The following TOMM22 variants were observed in gnomAD, a reference collection of about 807,000 sequenced individuals.
TOMM22 encodes the protein translocase of outer mitochondrial membrane 22, also known as mitochondrial import receptor subunit TOM22 homolog.
A neutral mutation model predicts 17.1 loss-of-function variants in TOMM22; 3 were observed. That is an observed-to-expected ratio of 0.18 (90% CI 0.08 to 0.45). TOMM22 has a LOEUF of 0.45. Ranked by LOEUF, TOMM22 falls within the 20% of genes least tolerant of loss-of-function variation. TOMM22 has a pLI of 0.99. For missense variants in TOMM22, 159 were observed against 179.5 expected (o/e 0.89, Z 0.65); for synonymous variants, 91 against 74.0 (o/e 1.23, Z -1.18).
chr22:38,683,831 G>T lies in TOMM22; in HGVS notation c.419G>T (p.Gly140Val). Residue 140 changes from glycine (G) to valine (V), a missense_variant, in exon 4 of 4, where the codon GGA becomes GTA. Around this residue, in one of 3 missense-constraint regions of TOMM22, gnomAD observed 33 missense variants for 34.7 expected, o/e 0.95. Coordinates refer to ENST00000216034, the MANE Select transcript of TOMM22 (RefSeq NM_020243.5). ...GMPGALPSLP[G>V]KI is the part of the protein sequence containing the mutation. ...CCAGGGGCTCTACCCTCACTTCCTG[G>T]AAAGATCTAGATTGTTATTGCTGTT... 6.2e-7 allele frequency: 1 copy of T among 1,613,946 alleles called. No individual in the cohort carries two copies. Among genetic ancestry groups the T allele is most frequent in the South Asian group, 1.1e-5 (1 of 91,076 alleles).
At position 38,683,758 on chromosome 22, in the gene TOMM22, C is replaced by A; in HGVS notation, c.355-9C>A. The stretch of plus-strand genomic sequence containing the variant: ...TATGATGCCTTACACCCCTCCTTTT[C>A]TTTTCCAGATACTTCTAGGACCTAA... On this transcript the variant is annotated splice_polypyrimidine_tract_variant and intron_variant, in intron 3 of 3. Transcript: ENST00000216034. 1.2e-6 allele frequency: 2 copies of A among 1,613,256 alleles called. No homozygotes were observed. The highest frequency in any genetic ancestry group is 1.7e-6 in the Non-Finnish European group (2 of 1,179,256).
Position 38,683,912 on chromosome 22 carries a change from T to G in TOMM22, c.*71T>G. Reference sequence around the variant, plus strand: ...TCAAGTGTTTGAACTGCTGATAATTTGGATTTTTTTTTTTTTTTAACTTTG... The same window carrying G: ...TCAAGTGTTTGAACTGCTGATAATTGGGATTTTTTTTTTTTTTTAACTTTG... On this transcript the variant is annotated 3_prime_UTR_variant, in exon 4 of 4. Coordinates refer to ENST00000216034, the MANE Select transcript of TOMM22 (RefSeq NM_020243.5). 1 of 1,411,278 alleles carries G rather than the reference T, an allele frequency of 7.1e-7. No individual in the cohort carries two copies. The highest frequency in any genetic ancestry group is 2.0e-5 in the Admixed American group (1 of 50,676). 87.4% of individuals were successfully genotyped at this position (1,411,278 alleles called of 1,614,324 possible). A position where few individuals can be genotyped will look rare whatever the true frequency, so the allele number is the denominator to read the frequency against.
rs190872277 is a variant in TOMM22 at position 38,683,969 on chromosome 22, A to G, written c.*128A>G. 2.2e-3 allele frequency: 1,575 copies of G among 726,852 alleles called. 12 individuals carry two copies. The African/African-American group carries it at 0.023, about 11-fold the overall frequency. 45.0% of individuals were successfully genotyped at this position (726,852 alleles called of 1,614,324 possible). A position where few individuals can be genotyped will look rare whatever the true frequency, so the allele number is the denominator to read the frequency against. ...TGATCTATCTAAACCTGGTGGGGAG[A>G]ATTATCCCCACATTGTCTCATGGAA... On this transcript the variant is annotated 3_prime_UTR_variant, in exon 4 of 4. Coordinates refer to ENST00000216034, the MANE Select transcript of TOMM22 (RefSeq NM_020243.5).
chr22:38,682,206 G>T (rs916534233), intron 1 of TOMM22, 111 bp downstream of exon 1: 7 of 1,463,978 alleles, frequency 4.8e-6, no homozygotes, highest in Middle Eastern at 2.3e-4. Context: ...GGGGTTAGGG[G>T]CCCTGCTGGG....
rs765879084 is a variant in TOMM22 at position 38,682,029 on chromosome 22, C to T, written c.51C>T (p.Asp17=). Residue 17 remains aspartate, a synonymous_variant, in exon 1 of 4, where the codon GAC becomes GAT. Coordinates refer to ENST00000216034, the MANE Select transcript of TOMM22 (RefSeq NM_020243.5). ...AAGAGEPQSP[D]ELLPKGDAEK... is the part of the protein sequence containing the mutation. ...GTGCAGGGGAACCCCAGTCCCCGGACGAATTGCTCCCGAAAGGCGACGCGG... is the reference window on the plus strand; with the variant it reads ...GTGCAGGGGAACCCCAGTCCCCGGATGAATTGCTCCCGAAAGGCGACGCGG... The T allele has an allele frequency of 6.2e-7, 1 of 1,609,942 alleles. No individual in the cohort carries two copies.
At position 38,685,291 on chromosome 22, in the gene TOMM22, T is replaced by C. The variant is rs2092493353; in HGVS notation, c.*1450T>C. ...ATGGTGGGGCTGGGCCCAGGCCCGC[T>C]GGGTATACATGATCTTTCACTTGTT... On this transcript the variant is annotated 3_prime_UTR_variant, in exon 4 of 4. Transcript: ENST00000216034. 1 of 152,248 alleles carries C rather than the reference T, an allele frequency of 6.6e-6. No homozygotes were observed. The highest frequency in any genetic ancestry group is 6.5e-5 in the Admixed American group (1 of 15,288). 9.4% of individuals were successfully genotyped at this position (152,248 alleles called of 1,614,324 possible).
At chr22:38,683,454 C>T (rs1279354216) in intron 3 of TOMM22, among the ~76,000 whole-genome samples, 6 of 152,126 alleles carry the variant, frequency 3.9e-5, no homozygotes, top group African/African-American at 7.2e-5. Flanking sequence ...GTAATGTGAG[C>T]GATGGTGAAC....
At position 38,682,383 on chromosome 22, in the gene TOMM22, C is replaced by G. The variant is rs1444492566; in HGVS notation, c.178C>G (p.Arg60Gly). ...GACGGAGATGTTTCCGGAGAGGGTCCGGTCCGCGGCCGGAGCCACTTTTGA... is the reference window on the plus strand; with the variant it reads ...GACGGAGATGTTTCCGGAGAGGGTCGGGTCCGCGGCCGGAGCCACTTTTGA... Reference protein sequence around the residue: ...GLTEMFPERVRSAAGATFDLS... With the variant: ...GLTEMFPERVGSAAGATFDLS... Residue 60 changes from arginine to glycine, a missense_variant, in exon 2 of 4, where the codon CGG becomes GGG. By Grantham distance (125) the Arg-to-Gly change is moderately radical. Transcript: ENST00000216034. The G allele has an allele frequency of 1.2e-6, 2 of 1,614,184 alleles. No homozygotes were observed. Among genetic ancestry groups the G allele is most frequent in the South Asian group, 1.1e-5 (1 of 91,086 alleles).
rs2092479566 is a variant in TOMM22 at position 38,681,998 on chromosome 22, C to T, written c.20C>T (p.Ala7Val). 1.9e-6 allele frequency: 3 copies of T among 1,611,334 alleles called. No individual in the cohort carries two copies. Among genetic ancestry groups the T allele is most frequent in the Non-Finnish European group, 2.5e-6 (3 of 1,179,178 alleles). The change falls in exon 1 of 4, where the codon GCT becomes GTT. Residue 7 changes from alanine to valine, a missense_variant. By Grantham distance (64) the Ala-to-Val change is moderately conservative (BLOSUM62 0). Around this residue, in one of 3 missense-constraint regions of TOMM22, gnomAD observed 107 missense variants for 100.2 expected, o/e 1.07. Transcript: ENST00000216034. MAAAVA[A>V]AGAGEPQSPD... The stretch of plus-strand genomic sequence containing the variant: ...ACAGTCATGGCTGCCGCCGTCGCTG[C>T]TGCCGGTGCAGGGGAACCCCAGTCC...
chr22:38,683,640 C>T (rs753113486), intron 3 of TOMM22, 127 bp from the exon 4 acceptor site: 82 of 677,964 alleles, frequency 1.2e-4, no homozygotes, highest in Non-Finnish European at 1.9e-4. Flanking sequence ...GGGATCGGGC[C>T]CATGCTCTTT....
At position 38,682,063 on chromosome 22, in the gene TOMM22, G is replaced by C. The variant is rs774474775; in HGVS notation, c.85G>C (p.Glu29Gln). Reference sequence around the variant, plus strand: ...CCCGAAAGGCGACGCGGAGAAGCCTGAGGAGGAGCTGGAGGAGGACGACGA... The same window carrying C: ...CCCGAAAGGCGACGCGGAGAAGCCTCAGGAGGAGCTGGAGGAGGACGACGA... ...LLPKGDAEKP[E>Q]EELEEDDDEE... is the part of the protein sequence containing the mutation. The change falls in exon 1 of 4, where the codon GAG (glutamate) becomes CAG (glutamine). Residue 29 changes from glutamate to glutamine, a missense_variant. Transcript: ENST00000216034. 1 of 1,596,982 alleles carries C rather than the reference G, an allele frequency of 6.3e-7. No homozygotes were observed. The highest frequency in any genetic ancestry group is 8.5e-7 in the Non-Finnish European group (1 of 1,172,080).
chr22:38,682,780 C>T (rs2145795731), intron 2 of TOMM22, 99 bp from the exon 3 acceptor site: 3 of 1,014,308 alleles, frequency 3.0e-6, no homozygotes, highest in Non-Finnish European at 4.6e-6. Context: ...TTATCAAAAA[C>T]ATTGGAGTAT....
rs1462507192 is a variant in TOMM22, at chr22:38,683,892, T to TTTGAAGTTCAAATTGAAGTTCAA, written c.*51_*52insTTGAAGTTCAAATTGAAGTTCAA. 1 of 1,504,510 alleles carries TTTGAAGTTCAAATTGAAGTTCAA rather than the reference T, an allele frequency of 6.6e-7. No individual in the cohort carries two copies. Among genetic ancestry groups the TTTGAAGTTCAAATTGAAGTTCAA allele is most frequent in the Non-Finnish European group, 9.2e-7 (1 of 1,091,762 alleles). 93.2% of individuals were successfully genotyped at this position (1,504,510 alleles called of 1,614,324 possible). A position where few individuals can be genotyped will look rare whatever the true frequency, so the allele number is the denominator to read the frequency against. ...CAGTGGGATAAGTTTGAAATTCAAG[T>TTTGAAGTTCAAATTGAAGTTCAA]GTTTGAACTGCTGATAATTTGGATT... On this transcript the variant is annotated 3_prime_UTR_variant, in exon 4 of 4. Coordinates refer to ENST00000216034, the MANE Select transcript of TOMM22 (RefSeq NM_020243.5).
intron 3 of TOMM22, 101 bp from the exon 4 acceptor site, chr22:38,683,666 G>A (rs764434764): frequency 1.2e-6 from 1 of 848,316 alleles, no homozygotes; most frequent in Non-Finnish European, 1.9e-6. Context: ...GTCTGACTGT[G>A]CTTTCAGTAT....
In TOMM22 at chr22:38,684,145, TGTG is replaced by T. The variant is rs1461242853; in HGVS notation, c.*306_*308del. 5.4e-6 allele frequency: 2 copies of T among 367,880 alleles called. No homozygotes were observed. Among genetic ancestry groups the T allele is most frequent in the African/African-American group, 4.0e-5 (2 of 49,554 alleles). The allele number at this position is 367,880 out of a possible 1,614,324, so 22.8% of individuals were successfully genotyped here. A position where few individuals can be genotyped will look rare whatever the true frequency, so the allele number is the denominator to read the frequency against. On this transcript the variant is annotated 3_prime_UTR_variant, in exon 4 of 4. Transcript: ENST00000216034. The stretch of plus-strand genomic sequence containing the variant: ...TAACTGGAAGATCTCACTTTCCCCT[TGTG>T]GGGTAGGAACCGATGCCAGTGGGAG...
In TOMM22 at chr22:38,682,100, T is replaced by C. The variant is rs1175264321; in HGVS notation, c.117+5T>C. ...GAGGAGGACGACGATGAGGAGGTAC[T>C]AGGGCCTCGCGGGGTGCAGAGCGGG... is the stretch of plus-strand genomic sequence containing the variant. On this transcript the variant is annotated splice_donor_5th_base_variant and intron_variant, in intron 1 of 3. Transcript: ENST00000216034. 2.5e-6 allele frequency: 4 copies of C among 1,571,592 alleles called. No homozygotes were observed. The highest frequency in any genetic ancestry group is 3.5e-6 in the Non-Finnish European group (4 of 1,158,170).
At position 38,684,745 on chromosome 22, in the gene TOMM22, AAG is replaced by A. The variant is rs2092490962; in HGVS notation, c.*905_*906del. 6.6e-6 allele frequency: 1 copy of A among 152,184 alleles called. No homozygotes were observed. The allele number at this position is 152,184 out of a possible 1,614,324, so 9.4% of individuals were successfully genotyped here. ...TCTATAATGACACTGTGTAATTATA[AAG>A]TATTTGTAGGGAATAACATAGTACT... On this transcript the variant is annotated 3_prime_UTR_variant, in exon 4 of 4. Coordinates refer to ENST00000216034, the MANE Select transcript of TOMM22 (RefSeq NM_020243.5).
Position 38,683,822 on chromosome 22 carries a change from C to T in TOMM22, c.410C>T (p.Ser137Leu). 6.2e-7 allele frequency: 1 copy of T among 1,614,022 alleles called. No homozygotes were observed. The highest frequency in any genetic ancestry group is 8.5e-7 in the Non-Finnish European group (1 of 1,179,954). ...GGAGGAATGCCAGGGGCTCTACCCT[C>T]ACTTCCTGGAAAGATCTAGATTGTT... ...LSGGMPGALP[S>L]LPGKI The change falls in exon 4 of 4, where the codon TCA becomes TTA. Residue 137 changes from serine to leucine, a missense_variant. Ser to Leu is a moderately radical substitution (Grantham distance 145, BLOSUM62 -2). Around this residue, in one of 3 missense-constraint regions of TOMM22, gnomAD observed 33 missense variants for 34.7 expected, o/e 0.95. Transcript: ENST00000216034.
In TOMM22 at chr22:38,684,197, A is replaced by C. The variant is rs866407073; in HGVS notation, c.*356A>C. 8.1e-4 allele frequency: 161 copies of C among 199,278 alleles called. No individual in the cohort carries two copies. The highest frequency in any genetic ancestry group is 3.7e-3 in the African/African-American group (147 of 39,506). The allele number at this position is 199,278 out of a possible 1,614,324, so 12.3% of individuals were successfully genotyped here. ...AGGGATGTGCCCCTGACCATTAACG[A>C]CTGTTTTTTTTTTTTTTTTTTAAAG... On this transcript the variant is annotated 3_prime_UTR_variant, in exon 4 of 4. Coordinates refer to ENST00000216034, the MANE Select transcript of TOMM22 (RefSeq NM_020243.5).
Sources: gnomAD v4.1 joint callset for allele counts (sites outside exome capture counted in the v4.1 genomes callset) on GRCh38, gnomAD v4.1.1 for gene constraint, gnomAD v4.1.1 regional missense constraint, MANE v1.5 for transcripts, NCBI Gene and HGNC (gene_info 2026-07-23, HGNC 2026-07-21) for gene names.